Variants in PGPEP1 observed in about 807,000 individuals in gnomAD.
PGPEP1 encodes the protein pyroglutamyl-peptidase 1.
In PGPEP1, 15 loss-of-function variants were observed where a neutral mutation model predicts 24.1. The ratio of observed to expected loss-of-function variants is 0.62; its 90% CI spans 0.42 to 0.96. The LOEUF (loss-of-function observed/expected upper bound fraction) is 0.96. Among genes scored for constraint, PGPEP1 ranks in the 40% least tolerant of loss-of-function variants. PGPEP1 has a pLI of 0.00. For synonymous variants in PGPEP1, 122 were observed against 116.4 expected (o/e 1.05, Z -0.31); for missense variants, 242 against 273.4 (o/e 0.89, Z 0.81).
Position 18,340,618 on chromosome 19 carries a change from CA to C in PGPEP1, c.-63del. 6.9e-7 allele frequency: 1 copy of C among 1,449,206 alleles called. No individual in the cohort carries two copies. The highest frequency in any genetic ancestry group is 9.2e-7 in the Non-Finnish European group (1 of 1,085,996). The allele number at this position is 1,449,206 out of a possible 1,614,324, so 89.8% of individuals were successfully genotyped here. ...GTGGCCTCGCGCGGCCGAGAGGCTG[CA>C]GCGGCAGCAGCTGTCGCGCCAGTCG... is the stretch of plus-strand genomic sequence containing the variant. On this transcript the variant is annotated 5_prime_UTR_variant, in exon 1 of 5. Transcript: ENST00000269919.
At chr19:18,351,515 T>C (rs1971021187) in intron 2 of PGPEP1, among the ~76,000 whole-genome samples, 1 of 150,614 alleles carries the variant, frequency 6.6e-6, no homozygotes, top group Admixed American at 6.6e-5. Flanking sequence ...TCCCAGCTAC[T>C]TGGGAGGCTG....
chr19:18,353,194 C>G (rs992180645), intron 2 of PGPEP1, among the ~76,000 whole-genome samples: 4 of 151,810 alleles, frequency 2.6e-5, no homozygotes, highest in African/African-American at 9.7e-5. Context: ...ATTGGAATTA[C>G]AGGCATGAGC....
chr19:18,350,839 C>T (rs113495004), intron 2 of PGPEP1, among the ~76,000 whole-genome samples: 7,078 of 152,258 alleles, frequency 0.046, 251 homozygotes, highest in Non-Finnish European at 0.07. Flanking sequence ...GTAGGAAGAT[C>T]GCTTGAGCCC....
chr19:18,357,306 C>CT, intron 3 of PGPEP1, 77 bp from the exon 4 acceptor site: 4 of 1,063,918 alleles, frequency 3.8e-6, no homozygotes, highest in Non-Finnish European at 4.2e-6. Context: ...AGGATGCTGC[C>CT]TTTTCCCTGG....
rs1363046737 is a variant in PGPEP1, at chr19:18,363,842, C to G, written c.*259C>G. The G allele has an allele frequency of 2.8e-6, 1 of 354,820 alleles. No individual in the cohort carries two copies. The allele number at this position is 354,820 out of a possible 1,614,324, so 22.0% of individuals were successfully genotyped here. A position where few individuals can be genotyped will look rare whatever the true frequency, so the allele number is the denominator to read the frequency against. On this transcript the variant is annotated 3_prime_UTR_variant, in exon 5 of 5. Coordinates refer to ENST00000269919, the MANE Select transcript of PGPEP1 (RefSeq NM_017712.4). The stretch of plus-strand genomic sequence containing the variant: ...AGCTGCCGTGACCAGGGAGGCCAGC[C>G]TGGGAGGTCCAGATGCCCAGGGAGA...
At chr19:18,363,068 T>TGTGTGTGTGTGTGTGTGTGTGTG (rs60619670) in intron 4 of PGPEP1, among the ~76,000 whole-genome samples, 1 of 146,708 alleles carries the variant, frequency 6.8e-6, no homozygotes, top group African/African-American at 2.5e-5. Flanking sequence ...TGTGTGTGTG[T>TGTGTGTGTGTGTGTGTGTGTGTG]TTTAAAGAGA....
intron 2 of PGPEP1, among the ~76,000 whole-genome samples, chr19:18,354,420 G>A (rs1284480804): frequency 6.6e-6 from 1 of 151,994 alleles, no homozygotes; most frequent in African/African-American, 2.4e-5. Context: ...GCATGAACCC[G>A]GGAGGCGGAG....
chr19:18,352,265 T>TTAAAAAAAAAA (rs1971051269), intron 2 of PGPEP1, among the ~76,000 whole-genome samples: 1 of 12,270 alleles, frequency 8.1e-5, no homozygotes, highest in South Asian at 4.6e-3. Flanking sequence ...AGACTCCGTC[T>TTAAAAAAAAAA]CAAAAAAAAA....
Position 18,355,909 on chromosome 19 carries a change from A to C in PGPEP1, c.102A>C (p.Leu34=), listed in dbSNP as rs757197337. 1 of 1,611,502 alleles carries C rather than the reference A, an allele frequency of 6.2e-7. No individual in the cohort carries two copies. The highest frequency in any genetic ancestry group is 1.1e-5 in the South Asian group (1 of 91,032). ...CTCTCTTCCAGGAGCTAGAAAAGCT[A>C]GGCCTTGGCGACAGCGTGGACCTGC... ...SWIAVQELEK[L]GLGDSVDLHV... is the part of the protein sequence containing the mutation. The change falls in exon 3 of 5, where the codon CTA becomes CTC. Residue 34 remains leucine, a synonymous_variant. Coordinates refer to ENST00000269919, the MANE Select transcript of PGPEP1 (RefSeq NM_017712.4).
At chr19:18,340,747 C>A in intron 1 of PGPEP1, 32 bp downstream of exon 1, 1 of 1,423,492 alleles carries the variant, frequency 7.0e-7, no homozygotes, top group South Asian at 1.5e-5. Flanking sequence ...GTAGCGGCAG[C>A]GGCCGGGGGC....
At chr19:18,345,460 G>T (rs1057376936) in intron 2 of PGPEP1, among the ~76,000 whole-genome samples, 4 of 151,794 alleles carry the variant, frequency 2.6e-5, no homozygotes, top group African/African-American at 9.7e-5. Flanking sequence ...GAAATTTTAG[G>T]CCTGATATGA....
Position 18,363,573 on chromosome 19 carries a change from A to G in PGPEP1, c.620A>G (p.His207Arg). 1 of 1,612,896 alleles carries G rather than the reference A, an allele frequency of 6.2e-7. No homozygotes were observed. The highest frequency in any genetic ancestry group is 8.5e-7 in the Non-Finnish European group (1 of 1,179,298). Residue 207 changes from histidine to arginine, a missense_variant, in exon 5 of 5, where the codon CAC (histidine) becomes CGC (arginine). Physicochemically the swap from His to Arg is conservative, Grantham distance 29. Transcript: ENST00000269919. ...TCAGAGGGCAAAATCAACTATTGCC[A>G]CAAACACTGAGGGACGCTCAGGTCT... is the stretch of plus-strand genomic sequence containing the variant. ...EQSEGKINYC[H>R]KH
rs1043063 is a variant in PGPEP1, at chr19:18,369,361, C to T, written c.*5778C>T. 46,863 of 152,270 alleles carry T rather than the reference C, an allele frequency of 0.31. 7,532 individuals are homozygous for T. The highest frequency in any genetic ancestry group is 0.4 in the South Asian group (1,937 of 4,818). 9.4% of individuals were successfully genotyped at this position (152,270 alleles called of 1,614,324 possible). ...CCCACAGAAGTGCCTGCCTCTCCAG[C>T]GCTCACAGAACACACAAAAAGGGAC... On this transcript the variant is annotated 3_prime_UTR_variant, in exon 5 of 5. Coordinates refer to ENST00000269919, the MANE Select transcript of PGPEP1 (RefSeq NM_017712.4).
intron 2 of PGPEP1, chr19:18,349,104 T>A (rs1186726009): frequency 1.0e-6 from 1 of 984,174 alleles, no homozygotes; most frequent in African/African-American, 1.8e-5. Context: ...AACACCTCTC[T>A]TGTGACTGCA....
intron 2 of PGPEP1, among the ~76,000 whole-genome samples, chr19:18,346,501 T>C (rs1384403423): frequency 1.3e-5 from 2 of 152,056 alleles, no homozygotes; most frequent in East Asian, 3.8e-4. Context: ...CCCCTCTTGC[T>C]CCCTCTGGGT....
chr19:18,351,421 T>G (rs898771270), intron 2 of PGPEP1, among the ~76,000 whole-genome samples: 24 of 151,666 alleles, frequency 1.6e-4, no homozygotes, highest in Admixed American at 1.5e-3. Context: ...GGTCGGAAGT[T>G]GGAGACCAGC....
chr19:18,350,471 C>T (rs559636945), intron 2 of PGPEP1, among the ~76,000 whole-genome samples: 1 of 152,240 alleles, frequency 6.6e-6, no homozygotes, highest in Non-Finnish European at 1.5e-5. Flanking sequence ...CGATCTCTCT[C>T]AATAGCAAGT....
intron 2 of PGPEP1, among the ~76,000 whole-genome samples, chr19:18,352,940 A>G (rs1183155121): frequency 6.7e-6 from 1 of 149,000 alleles, no homozygotes; most frequent in Non-Finnish European, 1.5e-5. Context: ...TCCTTGAGAC[A>G]GAGTTCTACT....
At position 18,363,509 on chromosome 19, in the gene PGPEP1, A is replaced by C. The variant is rs1971416805; in HGVS notation, c.556A>C (p.Arg186=). ...CGCGGACCAGCTGGGCAGGGCACTG[A>C]GAGCCATCATTGAGGAGATGTTGGA... ...YNADQLGRAL[R]AIIEEMLDLL... Residue 186 remains arginine (R), a synonymous_variant, in exon 5 of 5, where the codon AGA becomes CGA. Transcript: ENST00000269919. 1 of 1,614,050 alleles carries C rather than the reference A, an allele frequency of 6.2e-7. No individual in the cohort carries two copies. Among genetic ancestry groups the C allele is most frequent in the Non-Finnish European group, 8.5e-7 (1 of 1,180,026 alleles).
Sources: allele counts gnomAD v4.1 joint callset (sites outside exome capture counted in the v4.1 genomes callset), GRCh38; gene constraint gnomAD v4.1.1; transcripts MANE v1.5; gene names NCBI Gene and HGNC (gene_info 2026-07-23, HGNC 2026-07-21).